Variants in TTC6 observed in about 807,000 individuals in gnomAD.
The protein encoded by TTC6 is tetratricopeptide repeat domain 6, also known as tetratricopeptide repeat protein 6.
A neutral mutation model predicts 210.4 loss-of-function variants in TTC6; 172 were observed. That is an observed-to-expected ratio of 0.82 (90% confidence interval 0.72 to 0.93). The LOEUF (loss-of-function observed/expected upper bound fraction) is 0.93. Ranked by LOEUF, TTC6 falls within the 40% of genes least tolerant of loss-of-function variation. The pLI, the probability that TTC6 is intolerant of heterozygous loss-of-function variation, is 0.00. For missense variants in TTC6, 2,414 were observed against 2,318.1 expected (o/e 1.04, Z -0.85); for synonymous variants, 804 against 819.6 (o/e 0.98, Z 0.32).
intron 20 of TTC6, among the ~76,000 whole-genome samples, chr14:37,803,810 G>T (rs191169534): frequency 7.1e-4 from 108 of 152,304 alleles, no homozygotes; most frequent in African/African-American, 2.4e-3. Flanking sequence ...TCTAGGCAAG[G>T]TCATGTGCTG....
intron 1 of TTC6, among the ~76,000 whole-genome samples, chr14:37,663,736 C>G (rs1042081431): frequency 6.6e-6 from 1 of 151,966 alleles, no homozygotes; most frequent in African/African-American, 2.4e-5. Flanking sequence ...CCCAAATCAG[C>G]ACTTACTTTA....
At chr14:37,824,696 C>T (rs951961584) in intron 27 of TTC6, among the ~76,000 whole-genome samples, 1 of 152,082 alleles carries the variant, frequency 6.6e-6, no homozygotes, top group African/African-American at 2.4e-5. Flanking sequence ...TTTAGTATAA[C>T]TTGTAGAAAA....
At chr14:37,837,940 T>C (rs927413076) in intron 29 of TTC6, among the ~76,000 whole-genome samples, 12 of 152,166 alleles carry the variant, frequency 7.9e-5, no homozygotes, top group African/African-American at 2.9e-4. Flanking sequence ...AATGTGTCCA[T>C]GCCACAGAAA....
At chr14:37,603,930 G>A (rs935456190) in intron 1 of TTC6, among the ~76,000 whole-genome samples, 1 of 152,180 alleles carries the variant, frequency 6.6e-6, no homozygotes, top group African/African-American at 2.4e-5. Flanking sequence ...CTGTAAAATG[G>A]GCATGGGAGT....
chr14:37,799,974 G>A (rs1225268737), intron 20 of TTC6, among the ~76,000 whole-genome samples: 3 of 152,148 alleles, frequency 2.0e-5, no homozygotes, highest in African/African-American at 4.8e-5. Context: ...GATAAGAAAT[G>A]TGTGTTGTTT....
At chr14:37,630,073 G>C (rs953922059) in intron 1 of TTC6, among the ~76,000 whole-genome samples, 2 of 151,962 alleles carry the variant, frequency 1.3e-5, no homozygotes, top group Admixed American at 6.6e-5. Flanking sequence ...TCGTGTCTCT[G>C]CCTCCTTTGG....
intron 1 of TTC6, among the ~76,000 whole-genome samples, chr14:37,625,355 C>T (rs2139313264): frequency 6.6e-6 from 1 of 151,740 alleles, no homozygotes; most frequent in African/African-American, 2.4e-5. Context: ...CGAGACCAGC[C>T]TGGCCAACAT....
chr14:37,667,147 G>A (rs991513966), intron 1 of TTC6, among the ~76,000 whole-genome samples: 2 of 149,270 alleles, frequency 1.3e-5, no homozygotes, highest in Non-Finnish European at 3.0e-5. Context: ...AAAATATCAC[G>A]GGCCCTAGGC....
intron 29 of TTC6, among the ~76,000 whole-genome samples, chr14:37,834,776 G>T (rs1321152099): frequency 2.0e-5 from 3 of 152,050 alleles, no homozygotes; most frequent in Non-Finnish European, 4.4e-5. Context: ...ATTGATATCT[G>T]CTCATCTGGT....
At chr14:37,836,003 C>A (rs1008976088) in intron 29 of TTC6, among the ~76,000 whole-genome samples, 9 of 151,930 alleles carry the variant, frequency 5.9e-5, no homozygotes, top group African/African-American at 1.7e-4. Flanking sequence ...TACTTGAAAC[C>A]CTCCTTCTTT....
rs186720213 is a variant in TTC6, at chr14:37,654,466, C to T, written c.940-25685C>T. 3.2e-4 allele frequency among the ~76,000 whole-genome samples: 48 copies of T among 152,276 alleles called. No individual in the cohort carries two copies. The East Asian group carries it at 6.6e-3, about 21-fold the overall frequency. On this transcript the variant is annotated intron_variant, in intron 1 of 30. Coordinates refer to ENST00000553443, the Ensembl canonical transcript of TTC6. Reference sequence around the variant, plus strand: ...TTTTGGAATATGGCATGGCTACTCCCCCTTTGCCTTCTGCCATGATTGGAA... The same window carrying T: ...TTTTGGAATATGGCATGGCTACTCCTCCTTTGCCTTCTGCCATGATTGGAA...
At chr14:37,655,388 A>G (rs2095720352) in intron 1 of TTC6, among the ~76,000 whole-genome samples, 1 of 152,210 alleles carries the variant, frequency 6.6e-6, no homozygotes, top group Non-Finnish European at 1.5e-5. Context: ...CAGTTTGAGA[A>G]TAAAACTTCG....
chr14:37,749,062 T>C, exon 11 of TTC6: 1 of 1,535,728 alleles, frequency 6.5e-7, no homozygotes, highest in East Asian at 2.4e-5. Flanking sequence ...TCGTCCAAGC[T>C]AAGGGAGGAA....
At chr14:37,620,799 C>T (rs895442103), upstream of TTC6, among the ~76,000 whole-genome samples, 2 of 152,134 alleles carry the variant, frequency 1.3e-5, no homozygotes, top group Admixed American at 6.5e-5. Flanking sequence ...TTTGAAGGAG[C>T]TTTCATTGCT....
At position 37,723,730 on chromosome 14, in the gene TTC6, T is replaced by C. The variant is rs1457825062; in HGVS notation, c.1714-1168T>C. 5.9e-5 allele frequency among the ~76,000 whole-genome samples: 9 copies of C among 152,298 alleles called. 1 individual carries two copies. The South Asian group carries it at 1.2e-3, about 21-fold the overall frequency. On this transcript the variant is annotated intron_variant, in intron 6 of 30. Transcript: ENST00000553443. Reference sequence around the variant, plus strand: ...TGGTTTTATGTACACATTTCCAAAGTAACTTTTCCTCCCACCCCCTTGGGT... The same window carrying C: ...TGGTTTTATGTACACATTTCCAAAGCAACTTTTCCTCCCACCCCCTTGGGT...
intron 1 of TTC6, among the ~76,000 whole-genome samples, chr14:37,676,897 T>TA (rs1848674885): frequency 6.6e-6 from 1 of 152,096 alleles, no homozygotes; most frequent in African/African-American, 2.4e-5. Context: ...TTTTTGGGCT[T>TA]ACATTTATTC....
chr14:37,771,724 T>C (rs2096019556), intron 14 of TTC6, among the ~76,000 whole-genome samples: 1 of 152,176 alleles, frequency 6.6e-6, no homozygotes, highest in Non-Finnish European at 1.5e-5. Context: ...TTTCAAAGTT[T>C]TCAACTTCTT....
intron 4 of TTC6, among the ~76,000 whole-genome samples, chr14:37,700,052 C>T (rs1346179581): frequency 1.3e-5 from 2 of 152,102 alleles, no homozygotes; most frequent in Non-Finnish European, 2.9e-5. Flanking sequence ...ACAAGTTATT[C>T]ATATTCTCAG....
At chr14:37,769,736 A>T (rs1394314888) in intron 14 of TTC6, among the ~76,000 whole-genome samples, 1 of 150,314 alleles carries the variant, frequency 6.7e-6, no homozygotes. Flanking sequence ...AATTTTGTTG[A>T]TCCTTTCAAA....
Sources: gnomAD v4.1 joint callset for allele counts (sites outside exome capture counted in the v4.1 genomes callset) on GRCh38, gnomAD v4.1.1 for gene constraint, MANE v1.5 for transcripts, NCBI Gene and HGNC (gene_info 2026-07-23, HGNC 2026-07-21) for gene names.